The following PHTF1 variants were observed in gnomAD, a reference collection of about 807,000 sequenced individuals.
PHTF1 encodes putative homeodomain transcription factor 1, also known as protein PHTF1.
PHTF1 carries 88 observed loss-of-function variants against 102.4 expected under a neutral mutation model. The ratio of observed to expected loss-of-function variants is 0.86; its 90% CI spans 0.72 to 1.03. PHTF1 has a LOEUF of 1.03. Ranked by LOEUF, PHTF1 falls within the 50% of genes least tolerant of loss-of-function variation. The pLI is 0.00. For synonymous variants in PHTF1, 289 were observed against 305.2 expected, an observed-to-expected ratio of 0.95 and a Z score of 0.55; for missense variants, 814 against 909.5, an observed-to-expected ratio of 0.89 and a Z score of 1.35.
intron 18 of PHTF1, 71 bp downstream of exon 18, chr1:113,698,191 G>T: frequency 1.0e-6 from 1 of 1,000,436 alleles, no homozygotes; most frequent in Non-Finnish European, 1.5e-6. Flanking sequence ...ACACACACGT[G>T]TGAAGAACAC....
At chr1:113,756,994 C>T (rs1307555017) in intron 3 of PHTF1, among the ~76,000 whole-genome samples, 1 of 152,016 alleles carries the variant, frequency 6.6e-6, no homozygotes, top group East Asian at 1.9e-4. Context: ...AGTGAAACCC[C>T]GTCTCTACTA....
At chr1:113,720,033 A>G (rs1652668676) in intron 7 of PHTF1, among the ~76,000 whole-genome samples, 1 of 152,198 alleles carries the variant, frequency 6.6e-6, no homozygotes, top group Non-Finnish European at 1.5e-5. Flanking sequence ...TAGCACAGGA[A>G]AGACCAGCCC....
intron 3 of PHTF1, among the ~76,000 whole-genome samples, chr1:113,755,614 A>G (rs1037490380): frequency 4.6e-5 from 7 of 152,210 alleles, no homozygotes; most frequent in African/African-American, 1.7e-4. Context: ...AGCAACAGAC[A>G]GAGTTCCTAG....
intron 3 of PHTF1, among the ~76,000 whole-genome samples, chr1:113,739,927 C>A (rs1656097845): frequency 6.6e-6 from 1 of 152,224 alleles, no homozygotes; most frequent in African/African-American, 2.4e-5. Flanking sequence ...TTTCTTACAG[C>A]TAAATAGTAT....
At chr1:113,704,042 A>G in intron 15 of PHTF1, 39 bp downstream of exon 15, 1 of 1,339,396 alleles carries the variant, frequency 7.5e-7, no homozygotes, top group Non-Finnish European at 1.1e-6. Context: ...TCTATAATAG[A>G]ATTTTCATTT....
chr1:113,714,612 G>A (rs1571126834), intron 7 of PHTF1: 1 of 152,298 alleles, frequency 6.6e-6, no homozygotes, highest in South Asian at 2.1e-4. Context: ...CTCAGCTGCT[G>A]TAGAATAGAA....
intron 2 of PHTF1, 29 bp downstream of exon 2, chr1:113,758,630 C>A: frequency 7.3e-7 from 1 of 1,369,038 alleles, no homozygotes; most frequent in South Asian, 1.4e-5. Flanking sequence ...GAATGCTTTA[C>A]AAATAAAAAA....
At position 113,706,122 on chromosome 1, in the gene PHTF1, C is replaced by T; in HGVS notation, c.1439G>A (p.Gly480Glu). ...TGCTAATCCAATAGTGACAACATTT[C>T]CCAGCATCTGATAACCTACTCCTTG... ...YQQGVGYQMLGNVVTIGLAFF... is the reference protein window; with the variant it reads ...YQQGVGYQMLENVVTIGLAFF... The change falls in exon 13 of 19, where the codon GGA (glycine) becomes GAA (glutamate). Residue 480 changes from glycine (G) to glutamate (E), a missense_variant. Gly to Glu is a moderately conservative substitution (Grantham distance 98). Coordinates refer to ENST00000369604, the MANE Select transcript of PHTF1 (RefSeq NM_001323043.2). The T allele has an allele frequency of 6.2e-7, 1 of 1,613,728 alleles. No homozygotes were observed. The highest frequency in any genetic ancestry group is 8.5e-7 in the Non-Finnish European group (1 of 1,179,762).
At chr1:113,743,707 G>A (rs1216891486) in intron 3 of PHTF1, among the ~76,000 whole-genome samples, 1 of 152,070 alleles carries the variant, frequency 6.6e-6, no homozygotes, top group Non-Finnish European at 1.5e-5. Context: ...AAATCACTAG[G>A]CAATAGGAAT....
intron 8 of PHTF1, among the ~76,000 whole-genome samples, chr1:113,713,042 C>G (rs75564289): frequency 0.1 from 15,839 of 152,166 alleles, 1,083 homozygotes; most frequent in East Asian, 0.23. Context: ...CCGCCTGTCT[C>G]GGCCTCCCAA....
intron 5 of PHTF1, among the ~76,000 whole-genome samples, chr1:113,730,661 A>T (rs1056513591): frequency 7.9e-5 from 12 of 152,248 alleles, no homozygotes; most frequent in African/African-American, 2.9e-4. Flanking sequence ...TAGCTTTCAA[A>T]TGTGACAGCA....
intron 17 of PHTF1, 46 bp from the exon 18 acceptor site, chr1:113,698,433 T>C (rs772146412): frequency 2.5e-6 from 4 of 1,581,628 alleles, no homozygotes; most frequent in South Asian, 1.1e-5. Context: ...TGTTTTCTCA[T>C]AGCTACTCAG....
At chr1:113,726,358 T>A (rs779603137) in intron 6 of PHTF1, 60 bp downstream of exon 6, 20 of 1,235,308 alleles carry the variant, frequency 1.6e-5, no homozygotes, top group Non-Finnish European at 2.3e-5. Context: ...AAAGGTTTTA[T>A]AAATCTCTAC....
rs1205616018 is a variant in PHTF1 at position 113,738,228 on chromosome 1, T to C, written c.213A>G (p.Thr71=). 3 of 1,613,816 alleles carry C rather than the reference T, an allele frequency of 1.9e-6. No homozygotes were observed. The highest frequency in any genetic ancestry group is 1.3e-5 in the African/African-American group (1 of 74,912). Residue 71 remains threonine, a synonymous_variant, in exon 5 of 19, where the codon ACA becomes ACG. Transcript: ENST00000369604. ...FAKAKPEIPW[T]SLTRKGLVRV... ...GAACAAGCCCCTTCCGAGTCAGAGA[T>C]GTCCATGGAATTTCAGGTTTTGCTT...
Position 113,700,717 on chromosome 1 carries a change from T to C in PHTF1, c.2046+77A>G, listed in dbSNP as rs572817844. 1.5e-5 allele frequency: 21 copies of C among 1,374,634 alleles called. No individual in the cohort carries two copies. The African/African-American group carries it at 2.9e-4, about 19-fold the overall frequency. 85.2% of individuals were successfully genotyped at this position (1,374,634 alleles called of 1,614,324 possible). On this transcript the variant is annotated intron_variant, in intron 16 of 18. Coordinates refer to ENST00000369604, the MANE Select transcript of PHTF1 (RefSeq NM_001323043.2). Reference sequence around the variant, plus strand: ...TGACAGCTAGACAGTGATTAAACCCTGAATCCTCTGCAGGAACCTTACAGC... The same window carrying C: ...TGACAGCTAGACAGTGATTAAACCCCGAATCCTCTGCAGGAACCTTACAGC...
In PHTF1 at chr1:113,697,736, A is replaced by C; in HGVS notation, c.2269-11T>G. On this transcript the variant is annotated splice_polypyrimidine_tract_variant and intron_variant, in intron 18 of 18. Transcript: ENST00000369604. ...TTTAATTTTCCACAGCTAAGAGAAC[A>C]AAATCACCAAAATAAGTTAGTTCTA... 6.3e-7 allele frequency: 1 copy of C among 1,596,848 alleles called. No homozygotes were observed.
chr1:113,698,475 G>A lies in PHTF1; in HGVS notation c.2143-88C>T, dbSNP rs548843863. On this transcript the variant is annotated intron_variant, in intron 17 of 18. Coordinates refer to ENST00000369604, the MANE Select transcript of PHTF1 (RefSeq NM_001323043.2). ...CTTGCTGTGTTTTGTCTTGGGTATA[G>A]ATGAATGCTTAAGGCTGTCTTTCCT... The A allele has an allele frequency of 3.6e-5, 41 of 1,150,194 alleles. 1 individual carries two copies. The South Asian group carries it at 4.7e-4, about 13-fold the overall frequency. 71.2% of individuals were successfully genotyped at this position (1,150,194 alleles called of 1,614,324 possible).
chr1:113,727,636 TATA>T (rs1654041849), intron 5 of PHTF1, among the ~76,000 whole-genome samples: 2 of 152,238 alleles, frequency 1.3e-5, no homozygotes, highest in Admixed American at 6.5e-5. Flanking sequence ...TGATCACATC[TATA>T]CAAATCATCT....
chr1:113,711,845 A>C lies in PHTF1; in HGVS notation c.958-10T>G. ...TAGTGGTTTTCTTTACCTGCCAAAA[A>C]TCAAACCAACAAGCAATAGGAAAAT... On this transcript the variant is annotated splice_polypyrimidine_tract_variant and intron_variant, in intron 9 of 18. Transcript: ENST00000369604. 6.2e-7 allele frequency: 1 copy of C among 1,612,518 alleles called. No individual in the cohort carries two copies. The highest frequency in any genetic ancestry group is 8.5e-7 in the Non-Finnish European group (1 of 1,178,624).
Sources: gnomAD v4.1 joint callset for allele counts (sites outside exome capture counted in the v4.1 genomes callset) on GRCh38, gnomAD v4.1.1 for gene constraint, MANE v1.5 for transcripts, NCBI Gene and HGNC (gene_info 2026-07-23, HGNC 2026-07-21) for gene names.